Variants in FGF12 observed in about 807,000 individuals in gnomAD.
FGF12 encodes the protein fibroblast growth factor 12B.
Under a neutral mutation model 23.6 loss-of-function variants are expected in FGF12, and 14 were observed. The ratio of observed to expected loss-of-function variants is 0.59; its 90% CI spans 0.39 to 0.93. The LOEUF is 0.93. Among genes scored for constraint, FGF12 ranks in the 40% least tolerant of loss-of-function variants. The probability of loss-of-function intolerance (pLI) is 0.00; values close to 1 mark genes in which losing one functional copy is unlikely to be tolerated. For missense variants in FGF12, 175 were observed against 217.8 expected, an observed-to-expected ratio of 0.80 and a Z score of 1.24; for synonymous variants, 62 against 77.3, an observed-to-expected ratio of 0.80 and a Z score of 1.04.
At chr3:192,515,572 G>A (rs1172739469) in intron 2 of FGF12, 1 of 152,558 alleles carries the variant, frequency 6.6e-6, no homozygotes, top group East Asian at 1.9e-4. Flanking sequence ...GTGTGAGATA[G>A]AGGATTGGCA....
At chr3:192,687,728 CCAGAACTGGCCCTTG>C (rs1169660874) in intron 2 of FGF12, among the ~76,000 whole-genome samples, 1 of 152,036 alleles carries the variant, frequency 6.6e-6, no homozygotes, top group Non-Finnish European at 1.5e-5. Flanking sequence ...ATTCTTGTAC[CCAGAACTGGCCCTTG>C]CAGCTGCCTA....
chr3:192,489,685 G>A (rs1723742318), intron 2 of FGF12, among the ~76,000 whole-genome samples: 1 of 151,998 alleles, frequency 6.6e-6, no homozygotes, highest in South Asian at 2.1e-4. Context: ...TTGCTGCTTT[G>A]AATTTAGGCT....
chr3:192,283,115 C>G (rs1215449724), intron 4 of FGF12: 1 of 151,930 alleles, frequency 6.6e-6, no homozygotes, highest in African/African-American at 2.4e-5. Flanking sequence ...AAAGGTACAA[C>G]AGGTATGAGA....
intron 4 of FGF12, among the ~76,000 whole-genome samples, chr3:192,241,913 A>G (rs775926021): frequency 6.6e-6 from 1 of 152,194 alleles, no homozygotes; most frequent in Non-Finnish European, 1.5e-5. Context: ...GTTCTTGAGT[A>G]TATCTTCAAT....
At chr3:192,562,380 T>C (rs1409043319) in intron 2 of FGF12, among the ~76,000 whole-genome samples, 1 of 152,206 alleles carries the variant, frequency 6.6e-6, no homozygotes, top group East Asian at 1.9e-4. Context: ...TTTTATTGCA[T>C]TTAAATTTTT....
chr3:192,612,080 A>G (rs140102306), intron 2 of FGF12, among the ~76,000 whole-genome samples: 1 of 151,986 alleles, frequency 6.6e-6, no homozygotes, highest in Non-Finnish European at 1.5e-5. Context: ...ATGACTCTCT[A>G]TATACCCATT....
rs1576950299 is a variant in FGF12, at chr3:192,400,024, G to C, written c.14-39486C>G. 3.3e-5 allele frequency among the ~76,000 whole-genome samples: 5 copies of C among 152,284 alleles called. No individual in the cohort carries two copies. In the East Asian group the frequency reaches 9.6e-4, roughly 29 times the overall value. ...CATAAAATGGCATAGTATTTGCATA[G>C]CATGGTTGTACTATGGTTTTCTTCT... is the stretch of plus-strand genomic sequence containing the variant. On this transcript the variant is annotated intron_variant, in intron 2 of 5. Transcript: ENST00000445105.
At chr3:192,473,637 T>C (rs1394827993) in intron 2 of FGF12, among the ~76,000 whole-genome samples, 2 of 152,200 alleles carry the variant, frequency 1.3e-5, no homozygotes, top group Non-Finnish European at 2.9e-5. Flanking sequence ...CTGAATCATG[T>C]TTCCTCTCTA....
Position 192,684,927 on chromosome 3 carries a change from C to T in FGF12, c.13+42254G>A, listed in dbSNP as rs1038908751. On this transcript the variant is annotated intron_variant, in intron 2 of 5. Coordinates refer to ENST00000445105, the MANE Select transcript of FGF12 (RefSeq NM_004113.6). ...GAGACTGACCTTGTTGTTCAAATGT[C>T]AACTCCCCTATTTACTTGTGTTATG... Among the ~76,000 whole-genome samples the T allele has an allele frequency of 4.6e-5, 7 of 152,280 alleles. No homozygotes were observed. The East Asian group carries it at 1.2e-3, about 25-fold the overall frequency.
At position 192,717,977 on chromosome 3, in the gene FGF12, A is replaced by G. The variant is rs1395461519; in HGVS notation, c.13+9204T>C. Among the ~76,000 whole-genome samples, 5 of 152,138 alleles carry G rather than the reference A, an allele frequency of 3.3e-5. No homozygotes were observed. The East Asian group carries it at 7.7e-4, about 23-fold the overall frequency. On this transcript the variant is annotated intron_variant, in intron 2 of 5. Transcript: ENST00000445105. ...TTCTATCTAAAATGATCAGTAGCCA[A>G]TCAAACATTGGAAGACATAGTTATT...
At chr3:192,466,918 G>A (rs1420796012) in intron 2 of FGF12, among the ~76,000 whole-genome samples, 1 of 151,978 alleles carries the variant, frequency 6.6e-6, no homozygotes, top group African/African-American at 2.4e-5. Context: ...AGCCCTCAGC[G>A]AAATGAGAAA....
chr3:192,522,687 T>C (rs1724850272), intron 2 of FGF12, among the ~76,000 whole-genome samples: 1 of 152,232 alleles, frequency 6.6e-6, no homozygotes, highest in Non-Finnish European at 1.5e-5. Context: ...TATTTGATAG[T>C]AGTGATACTA....
At chr3:192,274,947 T>C (rs1444135367) in intron 4 of FGF12, among the ~76,000 whole-genome samples, 1 of 152,210 alleles carries the variant, frequency 6.6e-6, no homozygotes, top group Non-Finnish European at 1.5e-5. Flanking sequence ...CCTTCAACTG[T>C]TTTCAAAGGG....
chr3:192,376,602 T>A (rs988034327), intron 2 of FGF12, among the ~76,000 whole-genome samples: 1 of 152,180 alleles, frequency 6.6e-6, no homozygotes, highest in African/African-American at 2.4e-5. Flanking sequence ...CCTCAGGTGA[T>A]CTGCCTGCCT....
intron 2 of FGF12, among the ~76,000 whole-genome samples, chr3:192,467,735 C>G (rs1369474821): frequency 6.6e-6 from 1 of 152,128 alleles, no homozygotes; most frequent in African/African-American, 2.4e-5. Flanking sequence ...CATGAAGAAC[C>G]ACTGAATGCC....
At chr3:192,505,383 T>C (rs1724261873) in intron 2 of FGF12, among the ~76,000 whole-genome samples, 1 of 152,188 alleles carries the variant, frequency 6.6e-6, no homozygotes, top group Non-Finnish European at 1.5e-5. Flanking sequence ...GGAAAAAATA[T>C]ATGTTCCAAA....
intron 2 of FGF12, among the ~76,000 whole-genome samples, chr3:192,595,591 T>G (rs1024388259): frequency 6.6e-6 from 1 of 152,226 alleles, no homozygotes; most frequent in African/African-American, 2.4e-5. Context: ...AGTATCTGAC[T>G]CAGTAGGCCT....
At chr3:192,449,784 T>C (rs1298739676) in intron 2 of FGF12, among the ~76,000 whole-genome samples, 1 of 152,162 alleles carries the variant, frequency 6.6e-6, no homozygotes, top group Admixed American at 6.5e-5. Flanking sequence ...TTGATGACTT[T>C]TCAATAATTC....
chr3:192,479,603 G>A (rs1413139600), intron 2 of FGF12, among the ~76,000 whole-genome samples: 1 of 152,170 alleles, frequency 6.6e-6, no homozygotes, highest in Middle Eastern at 3.2e-3. Context: ...AATGGTAGGT[G>A]TGAGTAAGGT....
Sources: allele counts gnomAD v4.1 joint callset (sites outside exome capture counted in the v4.1 genomes callset), GRCh38; gene constraint gnomAD v4.1.1; transcripts MANE v1.5; gene names NCBI Gene and HGNC (gene_info 2026-07-23, HGNC 2026-07-21).